The following NALF1 variants were observed in gnomAD, a reference collection of about 807,000 sequenced individuals.
NALF1 encodes NALCN channel auxiliary factor 1, also known as family with sequence similarity 155 member A.
A neutral mutation model predicts 48.4 loss-of-function variants in NALF1; 3 were observed. That is an observed-to-expected ratio of 0.06 (90% CI 0.03 to 0.16). The LOEUF (loss-of-function observed/expected upper bound fraction) is 0.16, where lower values mean the gene tolerates loss of function less well. Among genes scored for constraint, NALF1 ranks in the 10% least tolerant of loss-of-function variants. The pLI is 1.00. For missense variants in NALF1, 526 were observed against 571.5 expected (o/e 0.92, Z 0.81); for synonymous variants, 262 against 245.7 (o/e 1.07, Z -0.62).
intron 1 of NALF1, among the ~76,000 whole-genome samples, chr13:107,853,246 G>A (rs148547364): frequency 6.6e-6 from 1 of 152,266 alleles, no homozygotes; most frequent in African/African-American, 2.4e-5. Context: ...GATATTGTGA[G>A]AAAATTTAAT....
At chr13:107,776,646 C>T (rs746441907) in intron 1 of NALF1, among the ~76,000 whole-genome samples, 3 of 152,116 alleles carry the variant, frequency 2.0e-5, no homozygotes, top group Admixed American at 6.6e-5. Flanking sequence ...CTTATGAATA[C>T]AAAGTTGAGT....
chr13:107,837,064 A>C (rs1183703930), intron 1 of NALF1, among the ~76,000 whole-genome samples: 2 of 152,124 alleles, frequency 1.3e-5, no homozygotes, highest in African/African-American at 2.4e-5. Context: ...GATCTCTTTA[A>C]TCCATGATAG....
At chr13:107,780,289 C>T (rs915407685) in intron 1 of NALF1, among the ~76,000 whole-genome samples, 2 of 152,056 alleles carry the variant, frequency 1.3e-5, no homozygotes, top group Non-Finnish European at 1.5e-5. Context: ...CAACTAAACA[C>T]TTTACCTTTT....
intron 1 of NALF1, among the ~76,000 whole-genome samples, chr13:107,604,051 A>T (rs1288905228): frequency 6.6e-6 from 1 of 152,180 alleles, no homozygotes; most frequent in Non-Finnish European, 1.5e-5. Context: ...ATATTCAAAG[A>T]CAGAAATGAT....
intron 1 of NALF1, among the ~76,000 whole-genome samples, chr13:107,840,437 C>T (rs142886471): frequency 1.3e-5 from 2 of 152,332 alleles, no homozygotes; most frequent in African/African-American, 4.8e-5. Flanking sequence ...AATCTTATAA[C>T]ATGACCTTCC....
At chr13:107,532,758 A>G (rs1382840424) in intron 1 of NALF1, among the ~76,000 whole-genome samples, 1 of 152,100 alleles carries the variant, frequency 6.6e-6, no homozygotes, top group Non-Finnish European at 1.5e-5. Flanking sequence ...GAAATTCTCA[A>G]GAATGTTAAT....
chr13:107,635,004 T>A (rs1387751646), intron 1 of NALF1, among the ~76,000 whole-genome samples: 3 of 152,138 alleles, frequency 2.0e-5, no homozygotes, highest in African/African-American at 7.2e-5. Flanking sequence ...AATTACCTTT[T>A]CTACTTCCTA....
intron 1 of NALF1, among the ~76,000 whole-genome samples, chr13:107,766,550 T>C (rs970314197): frequency 2.0e-5 from 3 of 152,176 alleles, no homozygotes; most frequent in East Asian, 1.9e-4. Context: ...GTCTCAAATA[T>C]CTGCTGCGTT....
intron 1 of NALF1, among the ~76,000 whole-genome samples, chr13:107,301,758 T>A (rs1231953913): frequency 6.6e-6 from 1 of 152,212 alleles, no homozygotes; most frequent in African/African-American, 2.4e-5. Flanking sequence ...TGATATGTAT[T>A]ATTCTCACAT....
chr13:107,705,615 A>T (rs185075595), intron 1 of NALF1, among the ~76,000 whole-genome samples: 356 of 152,250 alleles, frequency 2.3e-3, no homozygotes, highest in African/African-American at 8.1e-3. Context: ...CAAGATTATT[A>T]TTAGACATAA....
chr13:107,571,108 T>A (rs902457888), intron 1 of NALF1, among the ~76,000 whole-genome samples: 1 of 152,134 alleles, frequency 6.6e-6, no homozygotes. Flanking sequence ...TAATAAGAAA[T>A]ATATGTTTGG....
At chr13:107,444,919 T>A (rs543872829) in intron 1 of NALF1, among the ~76,000 whole-genome samples, 1 of 151,920 alleles carries the variant, frequency 6.6e-6, no homozygotes, top group African/African-American at 2.4e-5. Context: ...GTTGCAGAAA[T>A]TTTTTTTATA....
At chr13:107,761,392 A>C (rs1877260591) in intron 1 of NALF1, among the ~76,000 whole-genome samples, 1 of 152,050 alleles carries the variant, frequency 6.6e-6, no homozygotes, top group South Asian at 2.1e-4. Context: ...AAAGGAAAAA[A>C]ATGGCAAACA....
intron 1 of NALF1, among the ~76,000 whole-genome samples, chr13:107,443,388 T>G (rs922231938): frequency 6.6e-6 from 1 of 152,082 alleles, no homozygotes; most frequent in Non-Finnish European, 1.5e-5. Context: ...GTTAATTTTT[T>G]GTATTTTTAG....
intron 1 of NALF1, among the ~76,000 whole-genome samples, chr13:107,818,226 C>CG (rs979395998): frequency 3.3e-5 from 5 of 152,114 alleles, no homozygotes; most frequent in Admixed American, 1.3e-4. Context: ...GTTAGACACA[C>CG]GGAGGGGCTG....
chr13:107,678,733 G>A (rs1292173307), intron 1 of NALF1, among the ~76,000 whole-genome samples: 1 of 152,188 alleles, frequency 6.6e-6, no homozygotes, highest in Non-Finnish European at 1.5e-5. Context: ...CAACGGGGCA[G>A]GAAGGAGAAA....
intron 1 of NALF1, among the ~76,000 whole-genome samples, chr13:107,614,113 T>G (rs1278410627): frequency 7.2e-5 from 11 of 152,246 alleles, no homozygotes; most frequent in Non-Finnish European, 1.2e-4. Context: ...TAACGCCAGA[T>G]GTTAGATGAC....
chr13:107,283,062 C>T (rs1159631722), intron 1 of NALF1, among the ~76,000 whole-genome samples: 4 of 152,074 alleles, frequency 2.6e-5, no homozygotes, highest in East Asian at 1.9e-4. Context: ...GAGGAACGGA[C>T]GGGAGCCCTA....
At chr13:107,651,777 G>A (rs577105560) in intron 1 of NALF1, among the ~76,000 whole-genome samples, 35 of 152,082 alleles carry the variant, frequency 2.3e-4, no homozygotes, top group Non-Finnish European at 4.9e-4. Flanking sequence ...ATATACACTT[G>A]AGGATTACTA....
Sources: gnomAD v4.1 joint callset for allele counts (sites outside exome capture counted in the v4.1 genomes callset) on GRCh38, gnomAD v4.1.1 for gene constraint, MANE v1.5 for transcripts, NCBI Gene and HGNC (gene_info 2026-07-23, HGNC 2026-07-21) for gene names.